Variants in LRIG3 observed in about 807,000 individuals in gnomAD.
LRIG3 encodes the protein leucine rich repeats and immunoglobulin like domains 3.
LRIG3 carries 76 observed loss-of-function variants against 114.5 expected under a neutral mutation model. That is an observed-to-expected ratio of 0.66 (90% confidence interval 0.55 to 0.80). The LOEUF is 0.80. LRIG3 is among the 30% of genes least tolerant of loss of function. The probability of loss-of-function intolerance (pLI) is 0.00; values close to 1 mark genes in which losing one functional copy is unlikely to be tolerated. For missense variants in LRIG3, 1,239 were observed against 1,382.8 expected (o/e 0.90, Z 1.65); for synonymous variants, 512 against 519.8 (o/e 0.98, Z 0.20).
rs750090181 is a variant in LRIG3 at position 58,894,448 on chromosome 12, C to T, written c.384-3652G>A. On this transcript the variant is annotated intron_variant, in intron 3 of 18. Transcript: ENST00000320743. Reference sequence around the variant, plus strand: ...ACAAAACAAACAAACAAAAAACTTGCTTTGTATAATAAAGGGGGCTAAAAA... The same window carrying T: ...ACAAAACAAACAAACAAAAAACTTGTTTTGTATAATAAAGGGGGCTAAAAA... Among the ~76,000 whole-genome samples, 3 of 151,904 alleles carry T rather than the reference C, an allele frequency of 2.0e-5. No individual in the cohort carries two copies. In the East Asian group the frequency reaches 5.8e-4, roughly 29 times the overall value.
intron 9 of LRIG3, 92 bp from the exon 10 acceptor site, chr12:58,885,994 G>A (rs1212099658): frequency 1.6e-6 from 1 of 633,130 alleles, no homozygotes; most frequent in Admixed American, 2.5e-5. Flanking sequence ...AATTATGTGT[G>A]AGCAATTCCA....
chr12:58,888,755 G>C, intron 6 of LRIG3, 64 bp downstream of exon 6: 1 of 1,562,852 alleles, frequency 6.4e-7, no homozygotes, highest in Non-Finnish European at 8.7e-7. Context: ...AAGACCTGCT[G>C]AATGTACACT....
intron 3 of LRIG3, among the ~76,000 whole-genome samples, chr12:58,894,374 T>C (rs1321328416): frequency 6.6e-6 from 1 of 152,188 alleles, no homozygotes; most frequent in East Asian, 1.9e-4. Context: ...TTATTAGCTC[T>C]CAGACTAACT....
In LRIG3 at chr12:58,919,976, TC is replaced by T. The variant is rs528314549; in HGVS notation, c.236+23del. 7.9e-3 allele frequency: 12,226 copies of T among 1,541,022 alleles called. 55 individuals carry two copies. The highest frequency in any genetic ancestry group is 9.6e-3 in the Non-Finnish European group (10,947 of 1,139,832). ...CGAATCTCCAGCGGCCCGGGCCCCCTCCCCCCGCGGGAAGAATACTTACAGC... is the reference window on the plus strand; with the variant it reads ...CGAATCTCCAGCGGCCCGGGCCCCCTCCCCCGCGGGAAGAATACTTACAGC... On this transcript the variant is annotated intron_variant, in intron 1 of 18. Coordinates refer to ENST00000320743, the MANE Select transcript of LRIG3 (RefSeq NM_153377.5).
chr12:58,890,681 G>A lies in LRIG3; in HGVS notation c.499C>T (p.Leu167=), dbSNP rs1481653770. 2.5e-6 allele frequency: 4 copies of A among 1,596,144 alleles called. No homozygotes were observed. Among genetic ancestry groups the A allele is most frequent in the Middle Eastern group, 1.7e-4 (1 of 6,038 alleles). Residue 167 remains leucine (L), a synonymous_variant, in exon 4 of 19, where the codon CTA becomes TTA. Transcript: ENST00000320743. ...ISELQTAFPA[L]QLKYLYLNSN... The stretch of plus-strand genomic sequence containing the variant: ...TTCACTTACAGATATTTGAGCTGTA[G>A]GGCTGGAAATGCAGTTTGGAGCTCT...
chr12:58,909,390 C>T (rs1295948961), intron 3 of LRIG3, among the ~76,000 whole-genome samples: 1 of 152,188 alleles, frequency 6.6e-6, no homozygotes, highest in Non-Finnish European at 1.5e-5. Flanking sequence ...TCCTTTCTTT[C>T]TCTTCATAGC....
At chr12:58,886,753 G>A in intron 9 of LRIG3, 57 bp downstream of exon 9, 6 of 1,482,028 alleles carry the variant, frequency 4.0e-6, no homozygotes, top group East Asian at 2.3e-5. Context: ...TGACTTCAGT[G>A]AAGACAAAAT....
At position 58,877,590 on chromosome 12, in the gene LRIG3, G is replaced by A. The variant is rs138034978; in HGVS notation, c.2346C>T (p.Leu782=). ...CGCAGGTTGGAGTGGGGATCACACT[G>A]AGGCGCACGTTTCCTCTCTCAGTGC... is the stretch of plus-strand genomic sequence containing the variant. ...TLGTERGNVR[L]SVIPTPTCDS... is the part of the protein sequence containing the mutation. The change falls in exon 15 of 19, where the codon CTC becomes CTT. Residue 782 remains leucine (L), a synonymous_variant. Transcript: ENST00000320743. 8.7e-6 allele frequency: 14 copies of A among 1,614,100 alleles called. No individual in the cohort carries two copies. In the African/African-American group the frequency reaches 1.3e-4, roughly 15 times the overall value.
chr12:58,919,886 A>T (rs1342311620), intron 1 of LRIG3, 114 bp downstream of exon 1: 2 of 1,077,368 alleles, frequency 1.9e-6, no homozygotes, highest in Admixed American at 2.2e-5. Flanking sequence ...CCTGGGCCAG[A>T]AGGAGCTATA....
At chr12:58,903,006 T>C (rs1044409992) in intron 3 of LRIG3, among the ~76,000 whole-genome samples, 21 of 152,186 alleles carry the variant, frequency 1.4e-4, no homozygotes, top group Admixed American at 3.9e-4. Context: ...TCTTTGCTTT[T>C]GTGAATAGTG....
chr12:58,876,202 C>T (rs1870911373), intron 16 of LRIG3, among the ~76,000 whole-genome samples: 1 of 152,192 alleles, frequency 6.6e-6, no homozygotes, highest in Non-Finnish European at 1.5e-5. Context: ...ATCCTTTACA[C>T]ATGGAATAAT....
intron 3 of LRIG3, among the ~76,000 whole-genome samples, chr12:58,911,167 A>C (rs1872260725): frequency 6.6e-6 from 1 of 152,208 alleles, no homozygotes; most frequent in Non-Finnish European, 1.5e-5. Context: ...AAGGTTAGAG[A>C]TGAGCTTTGT....
intron 15 of LRIG3, 134 bp from the exon 16 acceptor site, chr12:58,876,737 T>C: frequency 1.2e-6 from 1 of 864,788 alleles, no homozygotes; most frequent in South Asian, 1.7e-5. Context: ...GGCAAAACCA[T>C]CTCGATTGTA....
chr12:58,883,918 TAAATATACAAATA>T (rs978207898), intron 10 of LRIG3, among the ~76,000 whole-genome samples: 4 of 152,222 alleles, frequency 2.6e-5, no homozygotes, highest in African/African-American at 9.6e-5. Context: ...TGGAAACTTC[TAAATATACAAATA>T]AAATATACAA....
chr12:58,894,642 A>C (rs781228981), intron 3 of LRIG3, among the ~76,000 whole-genome samples: 8 of 152,244 alleles, frequency 5.3e-5, no homozygotes, highest in Non-Finnish European at 7.3e-5. Context: ...ATAAATGCCA[A>C]ACTTGATCAA....
At chr12:58,889,916 C>A in intron 5 of LRIG3, 80 bp downstream of exon 5, 1 of 1,512,448 alleles carries the variant, frequency 6.6e-7, no homozygotes, top group Non-Finnish European at 8.9e-7. Context: ...CTCCTTTTTG[C>A]CACATTGTAG....
intron 3 of LRIG3, among the ~76,000 whole-genome samples, chr12:58,901,308 T>C (rs767774654): frequency 1.3e-5 from 2 of 152,196 alleles, no homozygotes; most frequent in African/African-American, 2.4e-5. Flanking sequence ...GGTATTCTGG[T>C]TGAGAGATGA....
chr12:58,880,532 A>G lies in LRIG3; in HGVS notation c.1801+49T>C, dbSNP rs761822687. ...TAAGAGAGAAAAACAGGTGCTTTCT[A>G]TTTCTAAAAGGTATCTTTAAATGCT... On this transcript the variant is annotated intron_variant, in intron 13 of 18. Coordinates refer to ENST00000320743, the MANE Select transcript of LRIG3 (RefSeq NM_153377.5). 9 of 1,569,834 alleles carry G rather than the reference A, an allele frequency of 5.7e-6. No individual in the cohort carries two copies. The East Asian group carries it at 9.0e-5, about 16-fold the overall frequency.
chr12:58,916,335 G>T (rs1018332101), intron 1 of LRIG3, among the ~76,000 whole-genome samples: 1 of 151,942 alleles, frequency 6.6e-6, no homozygotes, highest in African/African-American at 2.4e-5. Context: ...CTTGAGTTTT[G>T]TGTACTATTA....
Sources: allele counts gnomAD v4.1 joint callset (sites outside exome capture counted in the v4.1 genomes callset), GRCh38; gene constraint gnomAD v4.1.1; transcripts MANE v1.5; gene names NCBI Gene and HGNC (gene_info 2026-07-23, HGNC 2026-07-21).